SGCZ: variants seen among roughly 807,000 people sequenced by gnomAD.
SGCZ encodes the protein sarcoglycan zeta, also known as zeta-sarcoglycan.
In SGCZ, 40 loss-of-function variants were observed where a neutral mutation model predicts 41.3. The ratio of observed to expected loss-of-function variants is 0.97; its 90% CI spans 0.75 to 1.26. The LOEUF is 1.26. SGCZ is among the 50% of genes most tolerant of loss of function. The pLI, the probability that SGCZ is intolerant of heterozygous loss-of-function variation, is 0.00. For synonymous variants in SGCZ, 206 were observed against 137.5 expected (o/e 1.50, Z -3.49); for missense variants, 552 against 369.8 (o/e 1.49, Z -4.04).
chr8:14,976,532 A>T (rs186869081), intron 1 of SGCZ, among the ~76,000 whole-genome samples: 110 of 152,294 alleles, frequency 7.2e-4, no homozygotes, highest in African/African-American at 2.6e-3. Context: ...TACATTTAAG[A>T]TATCTATTCC....
chr8:14,844,967 C>A (rs1803049274), intron 1 of SGCZ, among the ~76,000 whole-genome samples: 1 of 152,218 alleles, frequency 6.6e-6, no homozygotes, highest in Admixed American at 6.5e-5. Flanking sequence ...TCTGAGTTGA[C>A]AAGAATGGCT....
chr8:14,984,070 T>C (rs764126897), intron 1 of SGCZ, among the ~76,000 whole-genome samples: 2 of 152,140 alleles, frequency 1.3e-5, no homozygotes, highest in African/African-American at 2.4e-5. Context: ...AAAATTAACT[T>C]GAAAGACATC....
intron 1 of SGCZ, among the ~76,000 whole-genome samples, chr8:14,646,561 T>C (rs1401681038): frequency 1.3e-5 from 2 of 151,930 alleles, no homozygotes; most frequent in African/African-American, 2.4e-5. Context: ...TTATTTTCTT[T>C]TGGATATACA....
At chr8:14,685,400 A>C (rs893251660) in intron 1 of SGCZ, among the ~76,000 whole-genome samples, 4 of 152,130 alleles carry the variant, frequency 2.6e-5, no homozygotes. Context: ...AATATATCTA[A>C]AAAATGAAAA....
intron 1 of SGCZ, among the ~76,000 whole-genome samples, chr8:14,672,486 A>G (rs1483259288): frequency 6.6e-6 from 1 of 152,172 alleles, no homozygotes; most frequent in African/African-American, 2.4e-5. Context: ...AAGTGCTATT[A>G]TTAGAATATA....
intron 2 of SGCZ, among the ~76,000 whole-genome samples, chr8:14,349,650 C>T (rs1399988044): frequency 6.6e-6 from 1 of 152,100 alleles, no homozygotes; most frequent in East Asian, 1.9e-4. Context: ...TTATCATATG[C>T]AGGAAAGCCA....
intron 2 of SGCZ, among the ~76,000 whole-genome samples, chr8:14,544,585 C>A (rs1022618438): frequency 6.6e-6 from 1 of 151,906 alleles, no homozygotes; most frequent in African/African-American, 2.4e-5. Context: ...TATAAATGGT[C>A]GCTATGGGAA....
At chr8:14,519,084 A>C (rs1304891898) in intron 2 of SGCZ, among the ~76,000 whole-genome samples, 2 of 151,242 alleles carry the variant, frequency 1.3e-5, no homozygotes, top group African/African-American at 4.9e-5. Flanking sequence ...AAAAAAAAAA[A>C]AGACAGAGAT....
intron 1 of SGCZ, among the ~76,000 whole-genome samples, chr8:14,774,091 T>C (rs1003656624): frequency 6.6e-6 from 1 of 152,154 alleles, no homozygotes; most frequent in African/African-American, 2.4e-5. Flanking sequence ...GATTAACATT[T>C]AAATCACTGG....
chr8:15,093,261 AC>A (rs1436658475), intron 1 of SGCZ, among the ~76,000 whole-genome samples: 2 of 152,178 alleles, frequency 1.3e-5, no homozygotes, highest in African/African-American at 4.8e-5. Flanking sequence ...AAATACACAC[AC>A]TTGTAAGCAT....
chr8:14,674,379 C>G (rs1189689290), intron 1 of SGCZ, among the ~76,000 whole-genome samples: 1 of 151,922 alleles, frequency 6.6e-6, no homozygotes, highest in Non-Finnish European at 1.5e-5. Flanking sequence ...TAAAACAGCT[C>G]ATTTTTAAGA....
At chr8:15,106,102 CT>C (rs963648024) in intron 1 of SGCZ, among the ~76,000 whole-genome samples, 2 of 152,090 alleles carry the variant, frequency 1.3e-5, no homozygotes, top group African/African-American at 4.8e-5. Context: ...ATTCCTATTC[CT>C]TTTATTACCC....
At chr8:14,432,988 G>C (rs1233136389) in intron 2 of SGCZ, among the ~76,000 whole-genome samples, 7 of 146,364 alleles carry the variant, frequency 4.8e-5, no homozygotes, top group Non-Finnish European at 9.0e-5. Context: ...ATAACCTATG[G>C]AAACAAAACA....
intron 1 of SGCZ, among the ~76,000 whole-genome samples, chr8:15,037,482 G>T (rs934820097): frequency 2.6e-5 from 4 of 152,076 alleles, no homozygotes; most frequent in African/African-American, 9.7e-5. Flanking sequence ...GCATGAGAAT[G>T]GACTAATACA....
At chr8:14,290,389 G>C (rs187425913) in intron 3 of SGCZ, among the ~76,000 whole-genome samples, 77 of 151,948 alleles carry the variant, frequency 5.1e-4, no homozygotes, top group Non-Finnish European at 8.4e-4. Flanking sequence ...AATGCACAGA[G>C]CAAAGAGAAA....
At chr8:14,220,648 G>A (rs993707626) in intron 4 of SGCZ, among the ~76,000 whole-genome samples, 1 of 152,064 alleles carries the variant, frequency 6.6e-6, no homozygotes, top group South Asian at 2.1e-4. Flanking sequence ...TCAGTTGGGC[G>A]TAGTGGTGCC....
At chr8:14,759,959 T>C (rs996315441) in intron 1 of SGCZ, among the ~76,000 whole-genome samples, 10 of 152,200 alleles carry the variant, frequency 6.6e-5, no homozygotes, top group Non-Finnish European at 1.3e-4. Flanking sequence ...AAACTTGAAA[T>C]TGTAAAGATT....
intron 2 of SGCZ, among the ~76,000 whole-genome samples, chr8:14,525,321 G>C (rs952778722): frequency 6.6e-6 from 1 of 152,046 alleles, no homozygotes; most frequent in African/African-American, 2.4e-5. Context: ...AGATATTCCT[G>C]TCATCCTGTG....
At chr8:14,742,082 G>GA (rs892145911) in intron 1 of SGCZ, among the ~76,000 whole-genome samples, 9 of 151,534 alleles carry the variant, frequency 5.9e-5, no homozygotes, top group East Asian at 1.9e-4. Context: ...GATTTAGAGG[G>GA]AAAAAAAACC....
Sources: gnomAD v4.1 joint callset for allele counts (sites outside exome capture counted in the v4.1 genomes callset) on GRCh38, gnomAD v4.1.1 for gene constraint, MANE v1.5 for transcripts, NCBI Gene and HGNC (gene_info 2026-07-23, HGNC 2026-07-21) for gene names.